The following TTC7A variants were observed in gnomAD, a reference collection of about 807,000 sequenced individuals.
TTC7A encodes tetratricopeptide repeat domain 7A, also known as tetratricopeptide repeat protein 7A.
In TTC7A, 110 loss-of-function variants were observed where a neutral mutation model predicts 103.7. The ratio of observed to expected loss-of-function variants is 1.06; its 90% CI spans 0.91 to 1.24. TTC7A has a LOEUF of 1.24. Ranked by LOEUF, TTC7A falls within the 50% of genes most tolerant of loss-of-function variation. The pLI is 0.00. For missense variants in TTC7A, 1,340 were observed against 1,116.3 expected (o/e 1.20, Z -2.86); for synonymous variants, 521 against 467.9 (o/e 1.11, Z -1.47).
At position 46,941,632 on chromosome 2, in the gene TTC7A, G is replaced by C; in HGVS notation, c.91G>C (p.Glu31Gln). ...CGAGGGCCACTGGGACCGCATGCCG[G>C]AGCTGGTCCGGCAGCTGCAGACGCT... ...RAEGHWDRMP[E>Q]LVRQLQTLSM... Residue 31 changes from glutamate to glutamine, a missense_variant, in exon 1 of 20, where the codon GAG (glutamate) becomes CAG (glutamine). Coordinates refer to ENST00000319190, the MANE Select transcript of TTC7A (RefSeq NM_020458.4). This position sits in a 1 kb window ranked among gnomAD's most constrained non-coding sequence, Gnocchi z 4.2. 6.4e-7 allele frequency: 1 copy of C among 1,554,498 alleles called. No homozygotes were observed.
At chr2:46,957,088 G>A (rs573109576) in intron 3 of TTC7A, 81 bp downstream of exon 3, 11 of 1,559,980 alleles carry the variant, frequency 7.1e-6, no homozygotes, top group Admixed American at 5.1e-5. Flanking sequence ...TGCTGGGCTC[G>A]TGTCCAGATT....
chr2:47,017,974 T>C (rs1678852692), intron 11 of TTC7A, among the ~76,000 whole-genome samples: 1 of 152,132 alleles, frequency 6.6e-6, no homozygotes, highest in African/African-American at 2.4e-5. Context: ...TTGTAATTGA[T>C]ATACATATAT....
At chr2:47,003,370 C>G (rs1227340928) in intron 8 of TTC7A, among the ~76,000 whole-genome samples, 1 of 152,040 alleles carries the variant, frequency 6.6e-6, no homozygotes, top group Non-Finnish European at 1.5e-5. Flanking sequence ...AGAGGGTGGT[C>G]CTGAATGGGG....
At chr2:47,030,043 T>G (rs1350029426) in intron 15 of TTC7A, among the ~76,000 whole-genome samples, 1 of 149,152 alleles carries the variant, frequency 6.7e-6, no homozygotes, top group Non-Finnish European at 1.5e-5. Context: ...GGAGTCTTGA[T>G]TTCTGCCTTC....
chr2:47,072,286 TG>T (rs1684807172), intron 19 of TTC7A, among the ~76,000 whole-genome samples: 1 of 152,138 alleles, frequency 6.6e-6, no homozygotes, highest in African/African-American at 2.4e-5. Flanking sequence ...CATCCGTGTG[TG>T]TGGTTCCTTG....
chr2:46,983,822 C>T (rs1377470085), intron 5 of TTC7A, among the ~76,000 whole-genome samples: 2 of 152,186 alleles, frequency 1.3e-5, no homozygotes, highest in Non-Finnish European at 2.9e-5. Flanking sequence ...AGTTTGCTGA[C>T]CCCTGCACTA....
chr2:47,015,132 C>T (rs1312557779), intron 11 of TTC7A, among the ~76,000 whole-genome samples: 1 of 152,242 alleles, frequency 6.6e-6, no homozygotes, highest in African/African-American at 2.4e-5. Flanking sequence ...GGCTCTGACT[C>T]AGTGACGCCA....
intron 2 of TTC7A, among the ~76,000 whole-genome samples, chr2:46,925,619 T>G (rs1669348152): frequency 6.6e-6 from 1 of 152,174 alleles, no homozygotes; most frequent in Non-Finnish European, 1.5e-5. Flanking sequence ...CTGTATCAAC[T>G]GACTCATTTG....
chr2:47,070,552 A>G (rs899857093), intron 19 of TTC7A, among the ~76,000 whole-genome samples: 1 of 152,184 alleles, frequency 6.6e-6, no homozygotes, highest in African/African-American at 2.4e-5. Context: ...GGGGCAGGAC[A>G]GGGATCACAT....
chr2:47,023,458 C>G lies in TTC7A; in HGVS notation c.1561C>G (p.Leu521Val). The G allele has an allele frequency of 6.2e-7, 1 of 1,614,126 alleles. No individual in the cohort carries two copies. The highest frequency in any genetic ancestry group is 8.5e-7 in the Non-Finnish European group (1 of 1,180,008). ...DELHRKALQT[L>V]ERAQQLAPSD... ...ATTGCACCGGAAGGCACTGCAGACG[C>G]TGGAGAGGTGAGGAGGCTCCCACCT... The change falls in exon 13 of 20, where the codon CTG becomes GTG. Residue 521 changes from leucine (L) to valine (V), a missense_variant. Transcript: ENST00000319190.
intron 15 of TTC7A, among the ~76,000 whole-genome samples, chr2:47,046,001 G>A (rs1457055023): frequency 1.3e-5 from 2 of 152,248 alleles, no homozygotes; most frequent in Non-Finnish European, 2.9e-5. Flanking sequence ...AACCGAGCAA[G>A]ACCAGGACTC....
intron 8 of TTC7A, among the ~76,000 whole-genome samples, chr2:47,000,255 T>TA (rs58720701): frequency 0.19 from 27,463 of 142,258 alleles, 2,865 homozygotes; most frequent in African/African-American, 0.3. Context: ...GCCATTCAGT[T>TA]AAAAAAAAAA....
At position 46,961,081 on chromosome 2, in the gene TTC7A, C is replaced by A. The variant is rs148899322; in HGVS notation, c.517+4074C>A. ...GCCCACTCCTCTCCTACCCTATTCC[C>A]CAGGCCCTGCCATGGCCCCTTTGTA... On this transcript the variant is annotated intron_variant, in intron 3 of 19. Transcript: ENST00000319190. Among the ~76,000 whole-genome samples the A allele has an allele frequency of 5.4e-4, 83 of 152,318 alleles. No homozygotes were observed. In the East Asian group the frequency reaches 0.016, roughly 29 times the overall value.
intron 5 of TTC7A, among the ~76,000 whole-genome samples, chr2:46,987,804 C>CCG (rs141264278): frequency 6.9e-4 from 95 of 138,008 alleles, no homozygotes; most frequent in African/African-American, 1.7e-3. Context: ...CTGTCCCTTT[C>CCG]CGCGCGTGTG....
chr2:46,916,144 C>G, upstream of TTC7A: 1 of 985,506 alleles, frequency 1.0e-6, no homozygotes, highest in African/African-American at 1.7e-5. Flanking sequence ...TGGCTCCCAA[C>G]TCCGCTCACC....
chr2:47,039,096 A>G (rs1400589776), intron 15 of TTC7A, among the ~76,000 whole-genome samples: 2 of 152,094 alleles, frequency 1.3e-5, no homozygotes, highest in Non-Finnish European at 2.9e-5. Context: ...GGGCAGTACC[A>G]TGACTGTCCT....
upstream of TTC7A, chr2:46,916,002 T>A: frequency 5.1e-6 from 5 of 985,330 alleles, no homozygotes; most frequent in Non-Finnish European, 1.2e-6. Flanking sequence ...AGGGCGACAC[T>A]CGGCTCCACT....
At position 46,941,458 on chromosome 2, in the gene TTC7A, C is replaced by A. The variant is rs140303915; in HGVS notation, c.-84C>A. The A allele has an allele frequency of 0.031, 44,084 of 1,426,564 alleles. 1,711 individuals carry two copies. Among genetic ancestry groups the A allele is most frequent in the African/African-American group, 0.14 (9,247 of 67,374 alleles). 88.4% of individuals were successfully genotyped at this position (1,426,564 alleles called of 1,614,324 possible). ...CGTCTGCGCCCCCGTCGACCCCGCCCGCGAGTGCGCCCCAGCCAGGACGCC... is the reference window on the plus strand; with the variant it reads ...CGTCTGCGCCCCCGTCGACCCCGCCAGCGAGTGCGCCCCAGCCAGGACGCC... On this transcript the variant is annotated 5_prime_UTR_variant, in exon 1 of 20. Transcript: ENST00000319190. The surrounding 1 kb of genome is among the most constrained non-coding windows in gnomAD (Gnocchi z 4.2).
At chr2:46,976,126 C>A (rs1673854945) in intron 4 of TTC7A, among the ~76,000 whole-genome samples, 1 of 152,238 alleles carries the variant, frequency 6.6e-6, no homozygotes, top group Admixed American at 6.5e-5. Flanking sequence ...AACAGAGATC[C>A]TGCTAGCCCT....
Sources: allele counts gnomAD v4.1 joint callset (sites outside exome capture counted in the v4.1 genomes callset), GRCh38; gene constraint gnomAD v4.1.1; non-coding constraint Gnocchi (gnomAD v3.1); transcripts MANE v1.5; gene names NCBI Gene and HGNC (gene_info 2026-07-23, HGNC 2026-07-21).